DIP2C: variants seen among roughly 807,000 people sequenced by gnomAD.
The protein encoded by DIP2C is disco-interacting protein 2 homolog C.
DIP2C carries 33 observed loss-of-function variants against 192.4 expected under a neutral mutation model. That is an observed-to-expected ratio of 0.17 (90% confidence interval 0.13 to 0.23). The LOEUF (loss-of-function observed/expected upper bound fraction) is 0.23. Among genes scored for constraint, DIP2C ranks in the 10% least tolerant of loss-of-function variants. The pLI is 1.00. For missense variants in DIP2C, 1,537 were observed against 2,110.1 expected, an observed-to-expected ratio of 0.73 and a Z score of 5.32; for synonymous variants, 979 against 864.1, an observed-to-expected ratio of 1.13 and a Z score of -2.33.
chr10:518,833 C>A (rs1846521607), intron 1 of DIP2C, among the ~76,000 whole-genome samples: 1 of 152,216 alleles, frequency 6.6e-6, no homozygotes, highest in Non-Finnish European at 1.5e-5. Context: ...CTCCTCACCG[C>A]CACCACAGAT....
At chr10:455,261 G>C (rs900831387) in intron 3 of DIP2C, among the ~76,000 whole-genome samples, 20 of 152,146 alleles carry the variant, frequency 1.3e-4, no homozygotes, top group Admixed American at 7.9e-4. Context: ...GTCCCTGCCT[G>C]AGGAGTGGCC....
intron 2 of DIP2C, among the ~76,000 whole-genome samples, chr10:481,053 C>T (rs911106163): frequency 3.3e-5 from 5 of 152,146 alleles, no homozygotes; most frequent in Admixed American, 1.3e-4. Flanking sequence ...GGTGAGGAGG[C>T]GGTCCCTCCC....
rs564448800 is a variant in DIP2C, at chr10:616,484, C to T, written c.85+73010G>A. ...ATTTCCCAAGCCTGTCTCTGCACAG[C>T]GGGACTTCCCAGGGCATCCCATCAG... On this transcript the variant is annotated intron_variant, in intron 1 of 36. Coordinates refer to ENST00000280886, the MANE Select transcript of DIP2C (RefSeq NM_014974.3). Among the ~76,000 whole-genome samples, 8 of 152,322 alleles carry T rather than the reference C, an allele frequency of 5.3e-5. No individual in the cohort carries two copies. The South Asian group carries it at 1.0e-3, about 20-fold the overall frequency.
chr10:419,260 C>G, intron 5 of DIP2C, 61 bp from the exon 6 acceptor site: 1 of 1,608,386 alleles, frequency 6.2e-7, no homozygotes, highest in Non-Finnish European at 8.5e-7. Flanking sequence ...GAAGGTGGAA[C>G]AAGCCACAGC....
chr10:490,249 CAATT>C (rs1331320732), intron 1 of DIP2C, among the ~76,000 whole-genome samples: 6 of 152,216 alleles, frequency 3.9e-5, no homozygotes, highest in Non-Finnish European at 8.8e-5. Flanking sequence ...GCTGAATGAT[CAATT>C]AATTCCTGCC....
At chr10:281,064 ATTTATAGTC>A in intron 36 of DIP2C, 127 bp downstream of exon 36, 1 of 1,263,698 alleles carries the variant, frequency 7.9e-7, no homozygotes, top group Non-Finnish European at 1.1e-6. Flanking sequence ...AAAGATAAAG[ATTTATAGTC>A]AAATGTTGAA....
intron 30 of DIP2C, among the ~76,000 whole-genome samples, chr10:328,529 G>A (rs1045598078): frequency 1.1e-4 from 17 of 152,284 alleles, no homozygotes; most frequent in African/African-American, 4.1e-4. Context: ...CAACAGGAAG[G>A]TCATGAAAAT....
intron 1 of DIP2C, among the ~76,000 whole-genome samples, chr10:639,688 T>G (rs1855055492): frequency 6.6e-6 from 1 of 152,222 alleles, no homozygotes; most frequent in Non-Finnish European, 1.5e-5. Flanking sequence ...TTGCACTGAA[T>G]AGTTTAGAGC....
At chr10:579,568 AAC>A (rs1036613688) in intron 1 of DIP2C, among the ~76,000 whole-genome samples, 31 of 152,122 alleles carry the variant, frequency 2.0e-4, no homozygotes, top group African/African-American at 5.5e-4. Context: ...GGTACACTAT[AAC>A]ACATGCGTAC....
intron 1 of DIP2C, among the ~76,000 whole-genome samples, chr10:671,681 C>G (rs1234479589): frequency 3.3e-4 from 21 of 63,792 alleles, no homozygotes; most frequent in African/African-American, 1.4e-3. Context: ...ACAGACGCAC[C>G]GACGGAGGAA....
intron 17 of DIP2C, among the ~76,000 whole-genome samples, chr10:378,494 C>G (rs1354050981): frequency 6.6e-6 from 1 of 152,114 alleles, no homozygotes; most frequent in Non-Finnish European, 1.5e-5. Context: ...CATGTGAACA[C>G]AGACATGCAT....
At chr10:563,719 C>A (rs1005655053) in intron 1 of DIP2C, among the ~76,000 whole-genome samples, 3 of 152,190 alleles carry the variant, frequency 2.0e-5, no homozygotes, top group South Asian at 4.1e-4. Context: ...GCCAAAGATG[C>A]GTCCAGAGGA....
intron 31 of DIP2C, among the ~76,000 whole-genome samples, chr10:325,379 G>A (rs552134930): frequency 3.9e-5 from 6 of 152,270 alleles, no homozygotes; most frequent in South Asian, 4.1e-4. Flanking sequence ...TACACCACAC[G>A]CTGAACTCTG....
chr10:350,192 T>C (rs1177561818), intron 24 of DIP2C, among the ~76,000 whole-genome samples: 1 of 152,108 alleles, frequency 6.6e-6, no homozygotes. Context: ...CAAGCAATTC[T>C]GCTGCCTCAG....
At chr10:577,403 T>C (rs375501860) in intron 1 of DIP2C, among the ~76,000 whole-genome samples, 4 of 152,268 alleles carry the variant, frequency 2.6e-5, no homozygotes, top group Non-Finnish European at 5.9e-5. Flanking sequence ...ACCCTTTCTA[T>C]GTGGCCGTAA....
At chr10:424,586 G>C (rs550752921) in intron 4 of DIP2C, among the ~76,000 whole-genome samples, 2 of 151,854 alleles carry the variant, frequency 1.3e-5, no homozygotes, top group Non-Finnish European at 2.9e-5. Context: ...GGCTGGTCTC[G>C]AACTCCTGAC....
intron 9 of DIP2C, among the ~76,000 whole-genome samples, chr10:406,238 A>G (rs1461737033): frequency 1.3e-5 from 2 of 152,278 alleles, no homozygotes. Flanking sequence ...ATTATGTGGT[A>G]ACACAAAATT....
chr10:434,492 CAAAT>C (rs1480566383), intron 4 of DIP2C, among the ~76,000 whole-genome samples: 1 of 152,168 alleles, frequency 6.6e-6, no homozygotes, highest in Admixed American at 6.5e-5. Context: ...AGGCTGGTCT[CAAAT>C]AACCGGCCTC....
At chr10:440,034 C>A (rs759193081) in intron 4 of DIP2C, among the ~76,000 whole-genome samples, 1 of 152,134 alleles carries the variant, frequency 6.6e-6, no homozygotes, top group East Asian at 1.9e-4. Flanking sequence ...CACCAAACAA[C>A]GTAGGTTCAA....
Sources: allele counts gnomAD v4.1 joint callset (sites outside exome capture counted in the v4.1 genomes callset), GRCh38; gene constraint gnomAD v4.1.1; transcripts MANE v1.5; gene names NCBI Gene and HGNC (gene_info 2026-07-23, HGNC 2026-07-21).